The following SEC16A variants were observed in gnomAD, a reference collection of about 807,000 sequenced individuals.
SEC16A encodes SEC16 homolog A, endoplasmic reticulum export factor, also known as protein transport protein Sec16A.
A neutral mutation model predicts 221.9 loss-of-function variants in SEC16A; 110 were observed. The observed-to-expected ratio is 0.50, with a 90% CI of 0.42 to 0.58. The LOEUF (loss-of-function observed/expected upper bound fraction) is 0.58, where lower values mean the gene tolerates loss of function less well. Among genes scored for constraint, SEC16A ranks in the 20% least tolerant of loss-of-function variants. SEC16A has a pLI of 0.00. For synonymous variants in SEC16A, 1,393 were observed against 1,257.7 expected (o/e 1.11, Z -2.28); for missense variants, 3,165 against 3,097.8 (o/e 1.02, Z -0.52).
chr9:136,477,554 G>T lies in SEC16A; in HGVS notation c.62C>A (p.Pro21His). 1 of 1,613,214 alleles carries T rather than the reference G, an allele frequency of 6.2e-7. No homozygotes were observed. The highest frequency in any genetic ancestry group is 8.5e-7 in the Non-Finnish European group (1 of 1,179,770). Residue 21 changes from proline (P) to histidine (H), a missense_variant, in exon 3 of 32, where the codon CCT becomes CAT. Physicochemically the swap from Pro to His is moderately conservative, Grantham distance 77. This residue lies in a region of SEC16A where 2,030 missense variants were observed against 1,923.1 expected (regional missense o/e 1.06). Transcript: ENST00000684901. ...GCTGCTAGCCCAGAACACGCTCCGA[G>T]GATTCCCGGCTGGAGGTGGCCCAGC... ...GMAGPPPAGN[P>H]RSVFWASSPY... is the part of the protein sequence containing the mutation.
rs985463358 is a variant in SEC16A at position 136,443,810 on chromosome 9, A to G, written c.7005+13T>C. ...GTGTTAGGGTCTCGTAGGGAAAGGT[A>G]GGAGTCACTCACCTGTGCCAGCTGA... On this transcript the variant is annotated intron_variant, in intron 31 of 31. Coordinates refer to ENST00000684901, the MANE Select transcript of SEC16A (RefSeq NM_014866.2). The G allele has an allele frequency of 3.1e-6, 5 of 1,607,276 alleles. No individual in the cohort carries two copies. Among genetic ancestry groups the G allele is most frequent in the East Asian group, 2.2e-5 (1 of 44,678 alleles).
At chr9:136,463,318 A>T in intron 11 of SEC16A, 145 bp downstream of exon 11, 1 of 1,254,514 alleles carries the variant, frequency 8.0e-7, no homozygotes, top group Non-Finnish European at 1.1e-6. Context: ...CTACCCAGCC[A>T]CTACAGTGTG....
At chr9:136,448,231 C>T in intron 23 of SEC16A, 70 bp from the exon 24 acceptor site, 1 of 1,312,042 alleles carries the variant, frequency 7.6e-7, no homozygotes, top group East Asian at 2.4e-5. Flanking sequence ...GGCAAAAAGA[C>T]AAATTCTACA....
rs1306193804 is a variant in SEC16A, at chr9:136,475,813, T to C, written c.1803A>G (p.Gly601=). 6.3e-7 allele frequency: 1 copy of C among 1,583,060 alleles called. No individual in the cohort carries two copies. Among genetic ancestry groups the C allele is most frequent in the Non-Finnish European group, 8.6e-7 (1 of 1,164,302 alleles). ...AACTATTTGCACTTGTCTGAAATAT[T>C]CCTGTAGGTTTCGGGGGGCTCGGGG... ...PSTPSPPKPT[G]IFQTSANSSF... is the part of the protein sequence containing the mutation. Residue 601 remains glycine (G), a synonymous_variant, in exon 3 of 32, where the codon GGA becomes GGG. Transcript: ENST00000684901. This position sits in a 1 kb window ranked among gnomAD's most constrained non-coding sequence, Gnocchi z 5.0.
chr9:136,442,458 A>T (rs896460744), intron 31 of SEC16A, among the ~76,000 whole-genome samples: 1 of 152,192 alleles, frequency 6.6e-6, no homozygotes, highest in Non-Finnish European at 1.5e-5. Flanking sequence ...AGAGTGTGTG[A>T]GGCTGTGAGG....
At position 136,463,103 on chromosome 9, in the gene SEC16A, A is replaced by G; in HGVS notation, c.4677T>C (p.Leu1559=). 6.2e-7 allele frequency: 1 copy of G among 1,611,618 alleles called. No individual in the cohort carries two copies. The highest frequency in any genetic ancestry group is 1.3e-5 in the African/African-American group (1 of 75,066). Residue 1559 remains leucine, a synonymous_variant, in exon 12 of 32, where the codon CTT becomes CTC. Coordinates refer to ENST00000684901, the MANE Select transcript of SEC16A (RefSeq NM_014866.2). The part of the protein sequence containing the change: ...GTVVGTDIAE[L]LLRDHRTVWL... ...ACACTGTTCTGTGGTCTCGTAACAG[A>G]AGCTCCGCAATGTCGGTCCCTACCA...
chr9:136,441,732 T>C lies in SEC16A; in HGVS notation c.*23A>G, dbSNP rs539883160. On this transcript the variant is annotated 3_prime_UTR_variant, in exon 32 of 32. Coordinates refer to ENST00000684901, the MANE Select transcript of SEC16A (RefSeq NM_014866.2). ...AGAACAGCAGCGTCAGGGCTCCAAG[T>C]GCAAGTTCACAGCAGGGCAAGCCTA... 6.2e-7 allele frequency: 1 copy of C among 1,611,294 alleles called. No homozygotes were observed. Among genetic ancestry groups the C allele is most frequent in the Non-Finnish European group, 8.5e-7 (1 of 1,178,158 alleles).
At chr9:136,441,882 G>C (rs369048493) in intron 31 of SEC16A, 59 bp from the exon 32 acceptor site, 2 of 1,467,860 alleles carry the variant, frequency 1.4e-6, no homozygotes, top group African/African-American at 2.8e-5. Context: ...AGCAGTGCTC[G>C]GCTGCAGCGT....
In SEC16A at chr9:136,466,567, G is replaced by A. The variant is rs977198288; in HGVS notation, c.3930-105C>T. 1.1e-5 allele frequency: 12 copies of A among 1,078,400 alleles called. No homozygotes were observed. Among genetic ancestry groups the A allele is most frequent in the South Asian group, 4.9e-5 (3 of 61,776 alleles). The allele number at this position is 1,078,400 out of a possible 1,614,324, so 66.8% of individuals were successfully genotyped here. On this transcript the variant is annotated intron_variant, in intron 6 of 31. Transcript: ENST00000684901. This position sits in a 1 kb window ranked among gnomAD's most constrained non-coding sequence, Gnocchi z 5.5. ...AGCTGAGACCGAGACCCCTGGGGCC[G>A]AGGCACAACACAGCACACCCGACAC...
At chr9:136,461,037 G>T in intron 13 of SEC16A, 140 bp downstream of exon 13, 1 of 672,026 alleles carries the variant, frequency 1.5e-6, no homozygotes, top group Non-Finnish European at 2.7e-6. Flanking sequence ...AAGCCTCGAG[G>T]CCAAGGAAGC....
intron 29 of SEC16A, 27 bp downstream of exon 29, chr9:136,445,618 G>C (rs775893444): frequency 1.3e-6 from 2 of 1,527,766 alleles, no homozygotes; most frequent in Non-Finnish European, 1.8e-6. Context: ...CTGGGCTGCG[G>C]GGGGCCCTGG....
At chr9:136,465,641 C>T (rs1393689284) in intron 8 of SEC16A, among the ~76,000 whole-genome samples, 1 of 152,238 alleles carries the variant, frequency 6.6e-6, no homozygotes, top group Admixed American at 6.5e-5. Flanking sequence ...CCCTCCTGCA[C>T]GCCTGCTGAG....
intron 31 of SEC16A, 119 bp downstream of exon 31, chr9:136,443,704 T>A (rs4073457): frequency 1.4e-6 from 1 of 697,050 alleles, no homozygotes; most frequent in East Asian, 2.9e-5. Flanking sequence ...TAAATAAATA[T>A]ATTTTTTAAA....
chr9:136,453,399 A>C, intron 22 of SEC16A, 29 bp downstream of exon 22: 1 of 1,567,252 alleles, frequency 6.4e-7, no homozygotes, highest in South Asian at 1.1e-5. Context: ...TATGGAAAAC[A>C]AACAGTTTAA....
At chr9:136,451,999 G>A (rs564166598) in intron 22 of SEC16A, among the ~76,000 whole-genome samples, 35 of 152,308 alleles carry the variant, frequency 2.3e-4, no homozygotes, top group African/African-American at 8.2e-4. Context: ...CTCCTGGTTA[G>A]GAGTAGAGCA....
rs1029115205 is a variant in SEC16A at position 136,441,515 on chromosome 9, C to T, written c.*240G>A. The T allele has an allele frequency of 1.8e-6, 1 of 560,836 alleles. No individual in the cohort carries two copies. Among genetic ancestry groups the T allele is most frequent in the Admixed American group, 3.0e-5 (1 of 32,842 alleles). 34.7% of individuals were successfully genotyped at this position (560,836 alleles called of 1,614,324 possible). On this transcript the variant is annotated 3_prime_UTR_variant, in exon 32 of 32. Transcript: ENST00000684901. Reference sequence around the variant, plus strand: ...ACTAAGAAAGTCACATCATTCTTTTCGGCAAACAATTCTGAGTCAAAGATT... The same window carrying T: ...ACTAAGAAAGTCACATCATTCTTTTTGGCAAACAATTCTGAGTCAAAGATT...
rs780896460 is a variant in SEC16A at position 136,466,390 on chromosome 9, C to T, written c.4002G>A (p.Pro1334=). The T allele has an allele frequency of 4.0e-5, 64 of 1,603,040 alleles. No homozygotes were observed. The highest frequency in any genetic ancestry group is 5.6e-5 in the South Asian group (5 of 89,494). The stretch of plus-strand genomic sequence containing the variant: ...CCTCTTCCCCATAAGGGTCTCTGTG[C>T]GGATCGGGGTCATCGTCAAAACTCC... ...FTGSFDDDPD[P]HRDPYGEEVD... The change falls in exon 7 of 32, where the codon CCG becomes CCA. Residue 1334 remains proline (P), a synonymous_variant. Transcript: ENST00000684901. This position sits in a 1 kb window ranked among gnomAD's most constrained non-coding sequence, Gnocchi z 5.5.
chr9:136,462,432 C>T (rs141476459), intron 12 of SEC16A, among the ~76,000 whole-genome samples: 13 of 152,344 alleles, frequency 8.5e-5, no homozygotes, highest in Admixed American at 4.6e-4. Flanking sequence ...GGACGCTACA[C>T]GCACTGGCTG....
In SEC16A at chr9:136,455,748, A is replaced by C. The variant is rs1838555715; in HGVS notation, c.5710T>G (p.Cys1904Gly). 6.3e-7 allele frequency: 1 copy of C among 1,599,990 alleles called. No individual in the cohort carries two copies. The highest frequency in any genetic ancestry group is 1.7e-5 in the Admixed American group (1 of 58,394). The change falls in exon 20 of 32, where the codon TGT becomes GGT. Residue 1904 changes from cysteine to glycine, a missense_variant. Around this residue, in one of 3 missense-constraint regions of SEC16A, gnomAD observed 1,088 missense variants for 1,089.6 expected, o/e 1.00. Coordinates refer to ENST00000684901, the MANE Select transcript of SEC16A (RefSeq NM_014866.2). Reference sequence around the variant, plus strand: ...ATCTCGGAACTCGGAGTGCCAGGACACTGCTGCGGGAGGGCTCCATCCTGA... The same window carrying C: ...ATCTCGGAACTCGGAGTGCCAGGACCCTGCTGCGGGAGGGCTCCATCCTGA... ...WHQDGALPQQ[C>G]PGTPSSEMEQ... is the part of the protein sequence containing the mutation.
Sources: allele counts gnomAD v4.1 joint callset (sites outside exome capture counted in the v4.1 genomes callset), GRCh38; gene constraint gnomAD v4.1.1; regional missense constraint gnomAD v4.1.1; non-coding constraint Gnocchi (gnomAD v3.1); transcripts MANE v1.5; gene names NCBI Gene and HGNC (gene_info 2026-07-23, HGNC 2026-07-21).